The following RAP1GAP variants were observed in gnomAD, a reference collection of about 807,000 sequenced individuals.
RAP1GAP encodes the protein RAP1 GTPase activating protein, also known as rap1 GTPase-activating protein 1.
Under a neutral mutation model 87.2 loss-of-function variants are expected in RAP1GAP, and 35 were observed. That is an observed-to-expected ratio of 0.40 (90% CI 0.31 to 0.53). The LOEUF is 0.53. RAP1GAP is among the 20% of genes least tolerant of loss of function. The probability of loss-of-function intolerance (pLI) is 0.48; values close to 1 mark genes in which losing one functional copy is unlikely to be tolerated. For synonymous variants in RAP1GAP, 375 were observed against 363.9 expected (o/e 1.03, Z -0.35); for missense variants, 734 against 898.9 (o/e 0.82, Z 2.35).
intron 5 of RAP1GAP, 78 bp downstream of exon 5, chr1:21,618,947 T>C: frequency 1.4e-6 from 2 of 1,438,414 alleles, no homozygotes; most frequent in Non-Finnish European, 1.9e-6. Context: ...GATTTCCTGC[T>C]TGATGGGCAG....
chr1:21,642,402 A>G (rs1390331910), intron 2 of RAP1GAP, among the ~76,000 whole-genome samples: 5 of 152,134 alleles, frequency 3.3e-5, no homozygotes, highest in Admixed American at 2.0e-4. Flanking sequence ...TCCCCCCACC[A>G]ATCTTCCAGG....
chr1:21,603,263 G>A lies in RAP1GAP; in HGVS notation c.1429-350C>T. 1 of 401,772 alleles carries A rather than the reference G, an allele frequency of 2.5e-6. No homozygotes were observed. The highest frequency in any genetic ancestry group is 4.5e-6 in the Non-Finnish European group (1 of 221,264). 24.9% of individuals were successfully genotyped at this position (401,772 alleles called of 1,614,324 possible). A position where few individuals can be genotyped will look rare whatever the true frequency, so the allele number is the denominator to read the frequency against. On this transcript the variant is annotated intron_variant, in intron 18 of 24. Transcript: ENST00000374765. The surrounding 1 kb of genome is among the most constrained non-coding windows in gnomAD (Gnocchi z 6.0). ...GTGGGATCTGCAGCCTAAGGGCAGT[G>A]GTCAGAGGGCAGTGTAGCAACCCAA...
chr1:21,651,546 C>T lies in RAP1GAP; in HGVS notation c.-148-1750G>A, dbSNP rs1342654078. 4.4e-6 allele frequency: 3 copies of T among 679,544 alleles called. No homozygotes were observed. In the African/African-American group the frequency reaches 5.4e-5, roughly 12 times the overall value. The allele number at this position is 679,544 out of a possible 1,614,324, so 42.1% of individuals were successfully genotyped here. ...TCCACCCTGCACTCACCTCCCCACA[C>T]ATGCACATGGACACGCAATGGGAAC... On this transcript the variant is annotated intron_variant, in intron 1 of 24. Transcript: ENST00000374765.
At position 21,609,692 on chromosome 1, in the gene RAP1GAP, C is replaced by T. The variant is rs1238543336; in HGVS notation, c.1000-46G>A. The T allele has an allele frequency of 3.5e-6, 5 of 1,423,256 alleles. No homozygotes were observed. Among genetic ancestry groups the T allele is most frequent in the Non-Finnish European group, 4.7e-6 (5 of 1,058,450 alleles). 88.2% of individuals were successfully genotyped at this position (1,423,256 alleles called of 1,614,324 possible). On this transcript the variant is annotated intron_variant, in intron 14 of 24. Coordinates refer to ENST00000374765, the MANE Select transcript of RAP1GAP (RefSeq NM_002885.4). This position sits in a 1 kb window ranked among gnomAD's most constrained non-coding sequence, Gnocchi z 4.4. ...CTGTTCCTGTGGAGCCTGGGGTCTG[C>T]TCTGCCCCACCCAGCCAGAAACCCC... is the stretch of plus-strand genomic sequence containing the variant.
At chr1:21,629,799 C>T (rs2150525446) in intron 2 of RAP1GAP, among the ~76,000 whole-genome samples, 1 of 152,328 alleles carries the variant, frequency 6.6e-6, no homozygotes, top group Non-Finnish European at 1.5e-5. Context: ...ACACGAAGCT[C>T]AGAAAGGTGC....
At chr1:21,639,751 G>A (rs539022782) in intron 2 of RAP1GAP, among the ~76,000 whole-genome samples, 24 of 152,294 alleles carry the variant, frequency 1.6e-4, no homozygotes, top group Admixed American at 1.0e-3. Flanking sequence ...GGGCCCTGCC[G>A]CACAGACTCA....
In RAP1GAP at chr1:21,599,508, C is replaced by T. The variant is rs200819944; in HGVS notation, c.1762G>A (p.Glu588Lys). 1.4e-5 allele frequency: 22 copies of T among 1,609,314 alleles called. No homozygotes were observed. In the South Asian group the frequency reaches 2.3e-4, roughly 17 times the overall value. The stretch of plus-strand genomic sequence containing the variant: ...GAGCCTCTCACCAGGCCTGTGTCCT[C>T]TCCGTCCACACCCTCCGTCTCCTCC... ...VVEETEGVDG[E>K]DTGLESVSSS... is the part of the protein sequence containing the mutation. The change falls in exon 21 of 25, where the codon GAG (glutamate) becomes AAG (lysine). Residue 588 changes from glutamate to lysine, a missense_variant. Physicochemically the swap from Glu to Lys is moderately conservative, Grantham distance 56 (BLOSUM62 1). Around this residue, in one of 2 missense-constraint regions of RAP1GAP, gnomAD observed 249 missense variants for 252.7 expected, o/e 0.99. Coordinates refer to ENST00000374765, the MANE Select transcript of RAP1GAP (RefSeq NM_002885.4).
chr1:21,649,705 A>C, intron 2 of RAP1GAP, 56 bp downstream of exon 2: 1 of 1,513,144 alleles, frequency 6.6e-7, no homozygotes, highest in Non-Finnish European at 9.0e-7. Flanking sequence ...GATTGGGGGT[A>C]TCTGCAGGGA....
intron 3 of RAP1GAP, among the ~76,000 whole-genome samples, chr1:21,624,824 G>C (rs771302597): frequency 3.8e-5 from 5 of 132,396 alleles, no homozygotes; most frequent in African/African-American, 1.4e-4. Context: ...CTAGCACGCA[G>C]GGCCCAGGGC....
intron 20 of RAP1GAP, among the ~76,000 whole-genome samples, chr1:21,601,390 T>A (rs1199179875): frequency 1.3e-5 from 2 of 152,184 alleles, no homozygotes; most frequent in African/African-American, 4.8e-5. Context: ...GGGTTCCTCC[T>A]ATCACCATGA....
rs375330932 is a variant in RAP1GAP, at chr1:21,597,914, T to C, written c.1983+47A>G. 5.1e-5 allele frequency: 78 copies of C among 1,532,714 alleles called. 1 individual carries two copies. Among genetic ancestry groups the C allele is most frequent in the East Asian group, 3.1e-4 (13 of 42,350 alleles). 94.9% of individuals were successfully genotyped at this position (1,532,714 alleles called of 1,614,324 possible). ...CCAGCCTCCCCGCCAGCTCATCCCCTCCCGGGTGGGGCTCCCTCAGCACCA... is the reference window on the plus strand; with the variant it reads ...CCAGCCTCCCCGCCAGCTCATCCCCCCCCGGGTGGGGCTCCCTCAGCACCA... On this transcript the variant is annotated intron_variant, in intron 23 of 24. Coordinates refer to ENST00000374765, the MANE Select transcript of RAP1GAP (RefSeq NM_002885.4).
At chr1:21,654,476 G>A (rs1172989267) in intron 1 of RAP1GAP, among the ~76,000 whole-genome samples, 2 of 152,226 alleles carry the variant, frequency 1.3e-5, no homozygotes, top group East Asian at 3.8e-4. Flanking sequence ...GATTACATAA[G>A]TTACTAATGA....
At chr1:21,602,943 C>T (rs1252982413) in intron 18 of RAP1GAP, 30 bp from the exon 19 acceptor site, 1 of 1,535,626 alleles carries the variant, frequency 6.5e-7, no homozygotes, top group Non-Finnish European at 8.9e-7. Context: ...CTCAGTGCCA[C>T]CTTACCTGGG....
rs751207778 is a variant in RAP1GAP, at chr1:21,608,955, G to A, written c.1072-19C>T. 1 of 1,593,764 alleles carries A rather than the reference G, an allele frequency of 6.3e-7. No individual in the cohort carries two copies. Among genetic ancestry groups the A allele is most frequent in the Non-Finnish European group, 8.6e-7 (1 of 1,161,478 alleles). ...CAGGCCCCTGGAAACTCCCAGTGTGGAGGAGATAAGGAAGGGAAGTTGAGA... is the reference window on the plus strand; with the variant it reads ...CAGGCCCCTGGAAACTCCCAGTGTGAAGGAGATAAGGAAGGGAAGTTGAGA... On this transcript the variant is annotated intron_variant, in intron 15 of 24. Coordinates refer to ENST00000374765, the MANE Select transcript of RAP1GAP (RefSeq NM_002885.4).
At chr1:21,619,790 G>A (rs1235671354) in intron 4 of RAP1GAP, among the ~76,000 whole-genome samples, 1 of 152,136 alleles carries the variant, frequency 6.6e-6, no homozygotes, top group Non-Finnish European at 1.5e-5. Flanking sequence ...GTTCCACACA[G>A]GGATGGGAGC....
intron 2 of RAP1GAP, among the ~76,000 whole-genome samples, chr1:21,637,568 T>C (rs1418415281): frequency 6.6e-6 from 1 of 152,124 alleles, no homozygotes; most frequent in African/African-American, 2.4e-5. Flanking sequence ...TTTCTAGGCA[T>C]TTATTCTCCA....
intron 17 of RAP1GAP, 130 bp downstream of exon 17, chr1:21,608,083 A>AC (rs1243721306): frequency 1.7e-5 from 22 of 1,306,456 alleles, no homozygotes; most frequent in Non-Finnish European, 2.0e-5. Flanking sequence ...CCGGGACTCC[A>AC]CCCCCTCAGC....
chr1:21,630,699 G>A (rs1412246395), intron 2 of RAP1GAP, among the ~76,000 whole-genome samples: 2 of 151,814 alleles, frequency 1.3e-5, no homozygotes, highest in African/African-American at 4.8e-5. Context: ...CTACAGGTGT[G>A]TGCTCGGCTA....
chr1:21,626,243 TG>T, intron 3 of RAP1GAP, 60 bp downstream of exon 3: 1 of 1,404,590 alleles, frequency 7.1e-7, no homozygotes, highest in Non-Finnish European at 1.0e-6. Context: ...TTCCCAGCCC[TG>T]GGCATGTGTC....
Sources: gnomAD v4.1 joint callset for allele counts (sites outside exome capture counted in the v4.1 genomes callset) on GRCh38, gnomAD v4.1.1 for gene constraint, gnomAD v4.1.1 regional missense constraint, Gnocchi (gnomAD v3.1) non-coding constraint, MANE v1.5 for transcripts, NCBI Gene and HGNC (gene_info 2026-07-23, HGNC 2026-07-21) for gene names.